The following VWC2 variants were observed in gnomAD, a reference collection of about 807,000 sequenced individuals.
VWC2 encodes von Willebrand factor C domain containing 2.
A neutral mutation model predicts 29.8 loss-of-function variants in VWC2; 14 were observed. The ratio of observed to expected loss-of-function variants is 0.47; its 90% CI spans 0.31 to 0.74. VWC2 has a LOEUF of 0.74. VWC2 is among the 30% of genes least tolerant of loss of function. The probability of loss-of-function intolerance (pLI) is 0.05; values close to 1 mark genes in which losing one functional copy is unlikely to be tolerated. For synonymous variants in VWC2, 213 were observed against 199.0 expected (o/e 1.07, Z -0.59); for missense variants, 457 against 459.8 (o/e 0.99, Z 0.05).
intron 3 of VWC2, among the ~76,000 whole-genome samples, chr7:49,864,092 TTGC>T (rs1429024530): frequency 1.3e-5 from 2 of 152,132 alleles, no homozygotes; most frequent in South Asian, 2.1e-4. Context: ...GTTGTTGTTG[TTGC>T]GGGCTGTGAT....
intron 3 of VWC2, among the ~76,000 whole-genome samples, chr7:49,832,245 C>T (rs111681595): frequency 0.014 from 2,198 of 152,172 alleles, 33 homozygotes; most frequent in African/African-American, 0.036. Context: ...TGGGATATTC[C>T]TTTACCACAT....
At chr7:49,806,246 A>G (rs922350374) in intron 3 of VWC2, among the ~76,000 whole-genome samples, 5 of 152,232 alleles carry the variant, frequency 3.3e-5, no homozygotes, top group African/African-American at 9.6e-5. Context: ...GGCTCCCATT[A>G]GCGATCAGAA....
chr7:49,844,562 CA>C (rs1233668129), intron 3 of VWC2, among the ~76,000 whole-genome samples: 1 of 152,182 alleles, frequency 6.6e-6, no homozygotes, highest in Non-Finnish European at 1.5e-5. Context: ...TTGTAGCAAA[CA>C]GAAGCCCTAG....
In VWC2 at chr7:49,775,678, C is replaced by T; in HGVS notation, c.243C>T (p.Gly81=). 1 of 1,524,776 alleles carries T rather than the reference C, an allele frequency of 6.6e-7. No individual in the cohort carries two copies. The highest frequency in any genetic ancestry group is 8.8e-7 in the Non-Finnish European group (1 of 1,139,346). 94.5% of individuals were successfully genotyped at this position (1,524,776 alleles called of 1,614,324 possible). A position where few individuals can be genotyped will look rare whatever the true frequency, so the allele number is the denominator to read the frequency against. ...GSGRDWKSKS[G]RGLAGREPWS... ...GCCGGGACTGGAAGAGCAAGAGCGGCCGTGGGCTCGCCGGCCGTGAGCCGT... is the reference window on the plus strand; with the variant it reads ...GCCGGGACTGGAAGAGCAAGAGCGGTCGTGGGCTCGCCGGCCGTGAGCCGT... The change falls in exon 2 of 4, where the codon GGC becomes GGT. Residue 81 remains glycine, a synonymous_variant. Coordinates refer to ENST00000340652, the MANE Select transcript of VWC2 (RefSeq NM_198570.5).
chr7:49,855,753 C>T (rs916496945), intron 3 of VWC2, among the ~76,000 whole-genome samples: 1 of 152,150 alleles, frequency 6.6e-6, no homozygotes. Flanking sequence ...CCTCCAGGGT[C>T]CCTGCCTCCC....
At chr7:49,862,946 C>T (rs1250083443) in intron 3 of VWC2, among the ~76,000 whole-genome samples, 1 of 152,176 alleles carries the variant, frequency 6.6e-6, no homozygotes, top group Non-Finnish European at 1.5e-5. Flanking sequence ...ATGTCTCAAT[C>T]TGGCTTTGGT....
intron 3 of VWC2, among the ~76,000 whole-genome samples, chr7:49,835,550 A>G (rs1485729369): frequency 1.3e-5 from 2 of 152,212 alleles, no homozygotes; most frequent in African/African-American, 4.8e-5. Flanking sequence ...CTCAACTTCA[A>G]CTAAGACCAA....
At chr7:49,867,486 A>C (rs541453303) in intron 3 of VWC2, among the ~76,000 whole-genome samples, 23 of 152,318 alleles carry the variant, frequency 1.5e-4, no homozygotes, top group African/African-American at 5.5e-4. Context: ...GAAAGGGTGC[A>C]CCATACCAAA....
At position 49,865,452 on chromosome 7, in the gene VWC2, A is replaced by C. The variant is rs1008190683; in HGVS notation, c.827-46582A>C. 2.6e-4 allele frequency among the ~76,000 whole-genome samples: 40 copies of C among 152,282 alleles called. 1 individual carries two copies. The highest frequency in any genetic ancestry group is 9.4e-4 in the African/African-American group (39 of 41,546). ...GCAAAACGTAGTGGCTTCAAGTAAC[A>C]ATTGTTTTATTTAGTTCTTGCTTTT... On this transcript the variant is annotated intron_variant, in intron 3 of 3. Coordinates refer to ENST00000340652, the MANE Select transcript of VWC2 (RefSeq NM_198570.5).
intron 2 of VWC2, among the ~76,000 whole-genome samples, chr7:49,798,050 T>C (rs1341087498): frequency 1.3e-5 from 2 of 152,244 alleles, no homozygotes; most frequent in East Asian, 3.8e-4. Context: ...GTTTGTGTCA[T>C]CTGATCGGAA....
At chr7:49,782,508 C>T (rs1788200340) in intron 2 of VWC2, among the ~76,000 whole-genome samples, 1 of 151,566 alleles carries the variant, frequency 6.6e-6, no homozygotes, top group Non-Finnish European at 1.5e-5. Flanking sequence ...CAGTGCTTCC[C>T]TGGACAACTT....
At position 49,776,856 on chromosome 7, in the gene VWC2, G is replaced by C. The variant is rs148706123; in HGVS notation, c.696+725G>C. On this transcript the variant is annotated intron_variant, in intron 2 of 3. Transcript: ENST00000340652. ...TTATCCATTGTCTCCATGTTATGGA[G>C]AAGAGGAAACAGACACAGAATATTT... Among the ~76,000 whole-genome samples the C allele has an allele frequency of 8.4e-4, 128 of 152,356 alleles. 2 individuals carry two copies. Among genetic ancestry groups the C allele is most frequent in the African/African-American group, 3.0e-3 (126 of 41,574 alleles).
chr7:49,804,171 T>C (rs1788815009), intron 3 of VWC2, among the ~76,000 whole-genome samples: 1 of 150,738 alleles, frequency 6.6e-6, no homozygotes, highest in South Asian at 2.1e-4. Flanking sequence ...TGTTTTTTTT[T>C]TAAAAAAAAA....
chr7:49,872,205 G>C (rs1791188035), intron 3 of VWC2, among the ~76,000 whole-genome samples: 1 of 152,118 alleles, frequency 6.6e-6, no homozygotes, highest in Non-Finnish European at 1.5e-5. Context: ...CATTTAAGGA[G>C]AGAATTAGTG....
chr7:49,892,775 T>C (rs1281930474), intron 3 of VWC2, among the ~76,000 whole-genome samples: 1 of 152,230 alleles, frequency 6.6e-6, no homozygotes, highest in Non-Finnish European at 1.5e-5. Context: ...TATTCGTTCA[T>C]TTTTCAAACA....
rs1788451151 is a variant in VWC2, at chr7:49,790,910, G to A, written c.697-11801G>A. Among the ~76,000 whole-genome samples, 2 of 152,064 alleles carry A rather than the reference G, an allele frequency of 1.3e-5. 1 individual carries two copies. The highest frequency in any genetic ancestry group is 4.2e-4 in the South Asian group (2 of 4,816). ...ATTTTCCAGGTTTCTTATAGGTGGT[G>A]AGGAGGGCTGACAGGTGCAGGCAGA... On this transcript the variant is annotated intron_variant, in intron 2 of 3. Transcript: ENST00000340652.
chr7:49,916,813 C>G lies in VWC2; in HGVS notation c.*4628C>G, dbSNP rs1304757052. On this transcript the variant is annotated 3_prime_UTR_variant, in exon 4 of 4. Coordinates refer to ENST00000340652, the MANE Select transcript of VWC2 (RefSeq NM_198570.5). ...CTGTCAACTTACAAGTATCAAATAT[C>G]TAAGTCACAGAACCCAGAGACACAT... 6.6e-6 allele frequency: 1 copy of G among 152,152 alleles called. No homozygotes were observed. The highest frequency in any genetic ancestry group is 1.5e-5 in the Non-Finnish European group (1 of 68,036). The allele number at this position is 152,152 out of a possible 1,614,324, so 9.4% of individuals were successfully genotyped here. A position where few individuals can be genotyped will look rare whatever the true frequency, so the allele number is the denominator to read the frequency against.
chr7:49,776,101 C>A lies in VWC2; in HGVS notation c.666C>A (p.Gly222=). The change falls in exon 2 of 4, where the codon GGC becomes GGA. Residue 222 remains glycine (G), a synonymous_variant. Coordinates refer to ENST00000340652, the MANE Select transcript of VWC2 (RefSeq NM_198570.5). ...KERKNYCEFR[G]KTYQTLEEFV... Reference sequence around the variant, plus strand: ...GGAAGAACTACTGCGAGTTCCGGGGCAAGACCTATCAGACTTTGGAGGAGT... The same window carrying A: ...GGAAGAACTACTGCGAGTTCCGGGGAAAGACCTATCAGACTTTGGAGGAGT... The A allele has an allele frequency of 1.3e-6, 2 of 1,544,530 alleles. No individual in the cohort carries two copies. Among genetic ancestry groups the A allele is most frequent in the South Asian group, 1.2e-5 (1 of 83,954 alleles).
At chr7:49,806,904 A>G (rs1404160163) in intron 3 of VWC2, among the ~76,000 whole-genome samples, 1 of 152,218 alleles carries the variant, frequency 6.6e-6, no homozygotes, top group Non-Finnish European at 1.5e-5. Context: ...GATTGTGCCC[A>G]TAAAAAATAA....
Sources: gnomAD v4.1 joint callset for allele counts (sites outside exome capture counted in the v4.1 genomes callset) on GRCh38, gnomAD v4.1.1 for gene constraint, MANE v1.5 for transcripts, NCBI Gene and HGNC (gene_info 2026-07-23, HGNC 2026-07-21) for gene names.